Variants in FAF1 observed in about 807,000 individuals in gnomAD.
FAF1 encodes FAS-associated factor 1.
A neutral mutation model predicts 92.5 loss-of-function variants in FAF1; 25 were observed. The observed-to-expected ratio is 0.27, with a 90% CI of 0.20 to 0.38. The LOEUF is 0.38. Ranked by LOEUF, FAF1 falls within the 10% of genes least tolerant of loss-of-function variation. The probability of loss-of-function intolerance (pLI) is 1.00; values close to 1 mark genes in which losing one functional copy is unlikely to be tolerated. For missense variants in FAF1, 636 were observed against 793.3 expected, an observed-to-expected ratio of 0.80 and a Z score of 2.38; for synonymous variants, 234 against 273.2, an observed-to-expected ratio of 0.86 and a Z score of 1.42.
At chr1:50,959,729 G>A in intron 1 of FAF1, 38 bp downstream of exon 1, 1 of 1,573,606 alleles carries the variant, frequency 6.4e-7, no homozygotes. Flanking sequence ...AAACCCACGA[G>A]GTTGGAAGTG....
chr1:50,935,614 G>A (rs1242640151), intron 1 of FAF1, among the ~76,000 whole-genome samples: 3 of 151,766 alleles, frequency 2.0e-5, no homozygotes, highest in African/African-American at 4.8e-5. Flanking sequence ...GGGATTATAG[G>A]CACCCACCAC....
At chr1:50,750,217 T>C (rs547397366) in intron 4 of FAF1, among the ~76,000 whole-genome samples, 7 of 152,108 alleles carry the variant, frequency 4.6e-5, no homozygotes, top group African/African-American at 1.4e-4. Context: ...CCTTGAAAAA[T>C]TGTGAAGACA....
intron 1 of FAF1, among the ~76,000 whole-genome samples, chr1:50,928,798 A>C (rs1422287738): frequency 1.4e-5 from 2 of 143,742 alleles, no homozygotes; most frequent in Non-Finnish European, 3.0e-5. Flanking sequence ...AAAAAAAAAA[A>C]AAAACTAGGG....
chr1:50,478,389 C>G (rs1488012084), intron 17 of FAF1, among the ~76,000 whole-genome samples: 1 of 152,168 alleles, frequency 6.6e-6, no homozygotes, highest in Non-Finnish European at 1.5e-5. Context: ...TCTCAAACTC[C>G]TGACCTCAAG....
intron 1 of FAF1, among the ~76,000 whole-genome samples, chr1:50,927,093 A>C (rs1014953702): frequency 2.0e-5 from 3 of 152,232 alleles, no homozygotes; most frequent in Non-Finnish European, 4.4e-5. Context: ...GTTAATGTTT[A>C]GAAGCAGAAA....
At chr1:50,475,977 T>C (rs990804203) in intron 17 of FAF1, among the ~76,000 whole-genome samples, 1 of 152,144 alleles carries the variant, frequency 6.6e-6, no homozygotes, top group African/African-American at 2.4e-5. Flanking sequence ...ATATTTGTGA[T>C]CAAAGACATT....
rs534526245 is a variant in FAF1, at chr1:50,746,964, G to C, written c.368-2189C>G. On this transcript the variant is annotated intron_variant, in intron 4 of 18. Transcript: ENST00000396153. ...ACTGTTTGGGCCGCTGCTTCCATGT[G>C]GTGTTAAGCCTGCAGGTGCACAGAA... is the stretch of plus-strand genomic sequence containing the variant. 3.4e-4 allele frequency among the ~76,000 whole-genome samples: 52 copies of C among 152,280 alleles called. 1 individual carries two copies. In the South Asian group the frequency reaches 9.5e-3, roughly 28 times the overall value.
intron 6 of FAF1, among the ~76,000 whole-genome samples, chr1:50,713,474 A>G (rs911866887): frequency 7.9e-5 from 12 of 152,158 alleles, no homozygotes; most frequent in African/African-American, 2.4e-4. Context: ...GTGTTTCACT[A>G]TGTTGGCCAG....
intron 1 of FAF1, among the ~76,000 whole-genome samples, chr1:50,932,444 G>A (rs1645055525): frequency 6.6e-6 from 1 of 152,234 alleles, no homozygotes; most frequent in Non-Finnish European, 1.5e-5. Context: ...ATCCAGCGGG[G>A]CAGTTAAATT....
intron 15 of FAF1, among the ~76,000 whole-genome samples, chr1:50,503,765 A>C (rs756446266): frequency 3.3e-5 from 5 of 152,224 alleles, no homozygotes; most frequent in Non-Finnish European, 5.9e-5. Context: ...ATTACACTGA[A>C]TGAAAGTAGC....
rs148491787 is a variant in FAF1 at position 50,685,766 on chromosome 1, C to T, written c.657+20020G>A. ...TGAGTTGAAAAGTATAAAACATTAA[C>T]TCAATATGAAGCTTCCTCCTCTTTC... On this transcript the variant is annotated intron_variant, in intron 7 of 18. Coordinates refer to ENST00000396153, the MANE Select transcript of FAF1 (RefSeq NM_007051.3). Among the ~76,000 whole-genome samples the T allele has an allele frequency of 2.2e-3, 341 of 152,198 alleles. 2 individuals are homozygous for T. Among genetic ancestry groups the T allele is most frequent in the African/African-American group, 7.6e-3 (317 of 41,522 alleles).
chr1:50,517,180 T>C (rs1486235346), intron 15 of FAF1, among the ~76,000 whole-genome samples: 1 of 152,168 alleles, frequency 6.6e-6, no homozygotes, highest in Non-Finnish European at 1.5e-5. Flanking sequence ...AACAAAATGC[T>C]AGAATTCAAA....
At chr1:50,550,316 A>C (rs924656722) in intron 13 of FAF1, among the ~76,000 whole-genome samples, 2 of 142,074 alleles carry the variant, frequency 1.4e-5, no homozygotes, top group Non-Finnish European at 3.0e-5. Flanking sequence ...GCGCCCCTGC[A>C]CTCCAGCCTG....
chr1:50,544,593 C>T (rs903066561), intron 13 of FAF1, among the ~76,000 whole-genome samples: 4 of 152,112 alleles, frequency 2.6e-5, no homozygotes, highest in Non-Finnish European at 5.9e-5. Context: ...TTCACTGGAC[C>T]AAGTGTCTAG....
chr1:50,509,119 T>C (rs1647099517), intron 15 of FAF1, among the ~76,000 whole-genome samples: 1 of 152,206 alleles, frequency 6.6e-6, no homozygotes, highest in Non-Finnish European at 1.5e-5. Context: ...ACCAAGCCAA[T>C]GGCTAAACAA....
At chr1:50,806,944 G>A (rs1343633118) in intron 2 of FAF1, among the ~76,000 whole-genome samples, 1 of 152,168 alleles carries the variant, frequency 6.6e-6, no homozygotes, top group Non-Finnish European at 1.5e-5. Context: ...TGATGAGAAG[G>A]TACCAGTGCA....
At chr1:50,894,304 TAAAAAAA>T (rs34801737) in intron 1 of FAF1, among the ~76,000 whole-genome samples, 7 of 62,984 alleles carry the variant, frequency 1.1e-4, no homozygotes, top group Non-Finnish European at 2.0e-4. Flanking sequence ...GTCTCAAAAT[TAAAAAAA>T]AAAAAAAAAA....
At chr1:50,765,664 C>A (rs1186041520) in intron 4 of FAF1, among the ~76,000 whole-genome samples, 1 of 152,092 alleles carries the variant, frequency 6.6e-6, no homozygotes, top group Non-Finnish European at 1.5e-5. Context: ...TATTACTGAG[C>A]CAAATTACAG....
chr1:50,891,005 C>T (rs538790661), intron 1 of FAF1, among the ~76,000 whole-genome samples: 11 of 152,320 alleles, frequency 7.2e-5, no homozygotes, highest in Non-Finnish European at 1.0e-4. Context: ...ACCAATCAAA[C>T]GTAGATTTGG....
Sources: gnomAD v4.1 joint callset for allele counts (sites outside exome capture counted in the v4.1 genomes callset) on GRCh38, gnomAD v4.1.1 for gene constraint, MANE v1.5 for transcripts, NCBI Gene and HGNC (gene_info 2026-07-23, HGNC 2026-07-21) for gene names.